IL24: variants seen among roughly 807,000 people sequenced by gnomAD.
IL24 encodes the protein interleukin-24.
Under a neutral mutation model 27.6 loss-of-function variants are expected in IL24, and 24 were observed. The ratio of observed to expected loss-of-function variants is 0.87; its 90% CI spans 0.63 to 1.22. The LOEUF is 1.22. IL24 is among the 50% of genes most tolerant of loss of function. The pLI is 0.00. For synonymous variants in IL24, 99 were observed against 93.1 expected, an observed-to-expected ratio of 1.06 and a Z score of -0.36; for missense variants, 240 against 237.0, an observed-to-expected ratio of 1.01 and a Z score of -0.08.
intron 5 of IL24, 134 bp downstream of exon 5, chr1:206,901,786 C>A: frequency 2.3e-6 from 2 of 868,336 alleles, no homozygotes; most frequent in Non-Finnish European, 3.6e-6. Context: ...TGGGGATGAT[C>A]ACTCCTGCCT....
Position 206,903,217 on chromosome 1 carries a change from C to G in IL24, c.*158C>G, listed in dbSNP as rs991830899. The G allele has an allele frequency of 1.5e-6, 1 of 645,504 alleles. No individual in the cohort carries two copies. Among genetic ancestry groups the G allele is most frequent in the Non-Finnish European group, 2.8e-6 (1 of 361,062 alleles). 40.0% of individuals were successfully genotyped at this position (645,504 alleles called of 1,614,324 possible). On this transcript the variant is annotated 3_prime_UTR_variant, in exon 7 of 7. Coordinates refer to ENST00000294984, the MANE Select transcript of IL24 (RefSeq NM_006850.3). ...ATTGTCAAAGAAGTCATTCTTTAAGCAGCGCCAGTGACAGTCAGGGAAGGT... is the reference window on the plus strand; with the variant it reads ...ATTGTCAAAGAAGTCATTCTTTAAGGAGCGCCAGTGACAGTCAGGGAAGGT...
In IL24 at chr1:206,900,318, T is replaced by A. The variant is rs531975475; in HGVS notation, c.264T>A (p.Ser88Arg). ...AGCAAGCTCAGGATAACATCACGAG[T>A]GCCCGGCTGCTGCAGCAGGAGGTTC... is the stretch of plus-strand genomic sequence containing the variant. Reference protein sequence around the residue: ...DTMQAQDNITSARLLQQEVLQ... With the variant: ...DTMQAQDNITRARLLQQEVLQ... The change falls in exon 4 of 7, where the codon AGT becomes AGA. Residue 88 changes from serine (S) to arginine (R), a missense_variant. By Grantham distance (110) the Ser-to-Arg change is moderately radical. Transcript: ENST00000294984. 1 of 1,613,796 alleles carries A rather than the reference T, an allele frequency of 6.2e-7. No homozygotes were observed. Among genetic ancestry groups the A allele is most frequent in the African/African-American group, 1.3e-5 (1 of 74,926 alleles).
chr1:206,899,876 A>AG (rs3093425), intron 3 of IL24, among the ~76,000 whole-genome samples: 59,812 of 151,944 alleles, frequency 0.39, 12,370 homozygotes, highest in Middle Eastern at 0.51. Flanking sequence ...AGGCAGCTCT[A>AG]GGGTGCAGGC....
intron 4 of IL24, 97 bp from the exon 5 acceptor site, chr1:206,901,397 C>A: frequency 7.4e-7 from 1 of 1,344,680 alleles, no homozygotes; most frequent in Non-Finnish European, 1.0e-6. Flanking sequence ...CCTATCTCTG[C>A]TGTGCTTATC....
rs1678293833 is a variant in IL24 at position 206,899,489 on chromosome 1, G to A, written c.214G>A (p.Ala72Thr). ...KGVVPQKLWEAFWAVKDTMQA... is the reference protein window; with the variant it reads ...KGVVPQKLWETFWAVKDTMQA... Reference sequence around the variant, plus strand: ...GGTTGTTCCCCAGAAACTGTGGGAAGCCTTCTGGGCTGTGAAAGACACTAT... The same window carrying A: ...GGTTGTTCCCCAGAAACTGTGGGAAACCTTCTGGGCTGTGAAAGACACTAT... Residue 72 changes from alanine (A) to threonine (T), a missense_variant, in exon 3 of 7, where the codon GCC becomes ACC. Ala to Thr is a moderately conservative substitution (Grantham distance 58). Transcript: ENST00000294984. 6.2e-6 allele frequency: 10 copies of A among 1,609,880 alleles called. No homozygotes were observed. Among genetic ancestry groups the A allele is most frequent in the Non-Finnish European group, 8.5e-6 (10 of 1,177,924 alleles).
chr1:206,900,992 C>A (rs1678354961), intron 4 of IL24, among the ~76,000 whole-genome samples: 1 of 152,092 alleles, frequency 6.6e-6, no homozygotes, highest in African/African-American at 2.4e-5. Context: ...CCTACTGAGC[C>A]CTGAGCCCTG....
rs765143282 is a variant in IL24 at position 206,901,464 on chromosome 1, T to C, written c.304-30T>C. The C allele has an allele frequency of 6.3e-6, 10 of 1,592,378 alleles. No individual in the cohort carries two copies. The South Asian group carries it at 1.0e-4, about 16-fold the overall frequency. On this transcript the variant is annotated intron_variant, in intron 4 of 6. Transcript: ENST00000294984. ...AGGGGGTCAGGGTGGGCAGAGGCCT[T>C]GGCTCAGCAGTGACCCAGACCTTCC...
chr1:206,900,144 A>C (rs1678318661), intron 3 of IL24, 151 bp from the exon 4 acceptor site: 1 of 714,240 alleles, frequency 1.4e-6, no homozygotes, highest in East Asian at 2.7e-5. Flanking sequence ...AGCTCAGCCC[A>C]GTCCTTCCTG....
intron 3 of IL24, 85 bp from the exon 4 acceptor site, chr1:206,900,210 G>A (rs1678321414): frequency 8.3e-7 from 1 of 1,200,034 alleles, no homozygotes; most frequent in Non-Finnish European, 1.2e-6. Flanking sequence ...TAGATTTAGG[G>A]GTCTAGGGAA....
rs558966529 is a variant in IL24, at chr1:206,901,499, T to C, written c.309T>C (p.Ala103=). The C allele has an allele frequency of 6.2e-7, 1 of 1,611,708 alleles. No homozygotes were observed. The highest frequency in any genetic ancestry group is 8.5e-7 in the Non-Finnish European group (1 of 1,178,548). ...GTGACCCAGACCTTCCCCAGGATGC[T>C]GAGAGCTGTTACCTTGTCCACACCC... The part of the protein sequence containing the change: ...QQEVLQNVSD[A]ESCYLVHTLL... The change falls in exon 5 of 7, where the codon GCT becomes GCC. Residue 103 remains alanine, a synonymous_variant. Transcript: ENST00000294984.
At chr1:206,901,830 C>T (rs1218800798) in intron 5 of IL24, among the ~76,000 whole-genome samples, 168 bp from the exon 6 acceptor site, 2 of 152,250 alleles carry the variant, frequency 1.3e-5, no homozygotes, top group Non-Finnish European at 1.5e-5. Context: ...AGGAGGTAGC[C>T]CCTTTCACAA....
At chr1:206,897,691 TG>T in intron 1 of IL24, 39 bp from the exon 2 acceptor site, 1 of 700,676 alleles carries the variant, frequency 1.4e-6, no homozygotes, top group Non-Finnish European at 2.4e-6. Context: ...GGGGTCAAGG[TG>T]GGGACAGCAG....
At chr1:206,899,077 G>A (rs964099959) in intron 2 of IL24, among the ~76,000 whole-genome samples, 2 of 152,182 alleles carry the variant, frequency 1.3e-5, no homozygotes, top group Admixed American at 6.5e-5. Flanking sequence ...GGGTGTGGAC[G>A]GGCAAGGTGG....
At position 206,903,737 on chromosome 1, in the gene IL24, T is replaced by A. The variant is rs1202971303; in HGVS notation, c.*678T>A. 6.6e-6 allele frequency: 1 copy of A among 152,326 alleles called. No homozygotes were observed. Among genetic ancestry groups the A allele is most frequent in the Non-Finnish European group, 1.5e-5 (1 of 68,062 alleles). 9.4% of individuals were successfully genotyped at this position (152,326 alleles called of 1,614,324 possible). A position where few individuals can be genotyped will look rare whatever the true frequency, so the allele number is the denominator to read the frequency against. On this transcript the variant is annotated 3_prime_UTR_variant, in exon 7 of 7. Coordinates refer to ENST00000294984, the MANE Select transcript of IL24 (RefSeq NM_006850.3). ...TCCCTTGGTGCCCTCCTTTTTTTTT[T>A]ATCCTAGTCATTCTTCCCTAATCTT... is the stretch of plus-strand genomic sequence containing the variant.
chr1:206,901,445 T>A, intron 4 of IL24, 49 bp from the exon 5 acceptor site: 1 of 1,561,248 alleles, frequency 6.4e-7, no homozygotes, highest in East Asian at 2.3e-5. Context: ...CTTCAGGGGG[T>A]CAGGGTGGGC....
rs1176279908 is a variant in IL24 at position 206,903,089 on chromosome 1, G to C, written c.*30G>C. 6.4e-7 allele frequency: 1 copy of C among 1,564,226 alleles called. No homozygotes were observed. The highest frequency in any genetic ancestry group is 8.8e-7 in the Non-Finnish European group (1 of 1,134,594). On this transcript the variant is annotated 3_prime_UTR_variant, in exon 7 of 7. Transcript: ENST00000294984. ...CTAGACCAGGACCTCCCTCCCCCTG[G>C]CACTGGTTTGTTCCCTGTGTCATTT... is the stretch of plus-strand genomic sequence containing the variant.
chr1:206,897,854 C>A lies in IL24; in HGVS notation c.22C>A (p.Gln8Lys). Residue 8 changes from glutamine (Q) to lysine (K), a missense_variant, in exon 2 of 7, where the codon CAA (glutamine) becomes AAA (lysine). Coordinates refer to ENST00000294984, the MANE Select transcript of IL24 (RefSeq NM_006850.3). The part of the protein sequence containing the change: MNFQQRL[Q>K]SLWTLARPFC... ...AGAGATGAATTTTCAACAGAGGCTG[C>A]AAAGCCTGTGGACTTTAGCCAGGTG... 1.2e-6 allele frequency: 2 copies of A among 1,608,578 alleles called. No individual in the cohort carries two copies. The highest frequency in any genetic ancestry group is 8.5e-7 in the Non-Finnish European group (1 of 1,177,940).
Position 206,897,883 on chromosome 1 carries a change from T to C in IL24, c.44+7T>C. ...GCCTGTGGACTTTAGCCAGGTGCGG[T>C]GGCTCACACCTGTAATCCCAGAACT... On this transcript the variant is annotated splice_region_variant and intron_variant, in intron 2 of 6. Coordinates refer to ENST00000294984, the MANE Select transcript of IL24 (RefSeq NM_006850.3). The C allele has an allele frequency of 6.3e-7, 1 of 1,588,730 alleles. No individual in the cohort carries two copies. Among genetic ancestry groups the C allele is most frequent in the Non-Finnish European group, 8.6e-7 (1 of 1,166,258 alleles).
intron 3 of IL24, among the ~76,000 whole-genome samples, chr1:206,899,984 C>G (rs1284487720): frequency 2.0e-5 from 3 of 152,198 alleles, no homozygotes; most frequent in Non-Finnish European, 2.9e-5. Context: ...TTCCTCCCAT[C>G]TCAAATGACC....
Sources: allele counts gnomAD v4.1 joint callset (sites outside exome capture counted in the v4.1 genomes callset), GRCh38; gene constraint gnomAD v4.1.1; transcripts MANE v1.5; gene names NCBI Gene and HGNC (gene_info 2026-07-23, HGNC 2026-07-21).